DMXL2: variants seen among roughly 807,000 people sequenced by gnomAD.
The protein encoded by DMXL2 is Dmx like 2, also known as dmX-like protein 2.
Under a neutral mutation model 331.1 loss-of-function variants are expected in DMXL2, and 103 were observed. That is an observed-to-expected ratio of 0.31 (90% CI 0.27 to 0.37). The LOEUF is 0.37. DMXL2 is among the 10% of genes least tolerant of loss of function. The pLI, the probability that DMXL2 is intolerant of heterozygous loss-of-function variation, is 1.00. For synonymous variants in DMXL2, 1,281 were observed against 1,252.1 expected, an observed-to-expected ratio of 1.02 and a Z score of -0.49; for missense variants, 3,171 against 3,642.9, an observed-to-expected ratio of 0.87 and a Z score of 3.33.
chr15:51,622,634 GT>G lies in DMXL2; in HGVS notation c.-90del. 1 of 1,461,216 alleles carries G rather than the reference GT, an allele frequency of 6.8e-7. No homozygotes were observed. The highest frequency in any genetic ancestry group is 9.1e-7 in the Non-Finnish European group (1 of 1,101,630). 90.5% of individuals were successfully genotyped at this position (1,461,216 alleles called of 1,614,324 possible). A position where few individuals can be genotyped will look rare whatever the true frequency, so the allele number is the denominator to read the frequency against. On this transcript the variant is annotated 5_prime_UTR_variant, in exon 1 of 44. Coordinates refer to ENST00000560891, the MANE Select transcript of DMXL2 (RefSeq NM_001378457.1). ...CGGGCTGCGAGAGCCGTTTCCCTCT[GT>G]GCCTCCCTCGGAAACCCGCCCCGCG...
chr15:51,521,487 T>C (rs1472167988), intron 13 of DMXL2, among the ~76,000 whole-genome samples: 9 of 150,954 alleles, frequency 6.0e-5, no homozygotes, highest in South Asian at 2.1e-4. Context: ...GTAGTAGTAG[T>C]AGCAGCATTT....
chr15:51,622,520 C>G lies in DMXL2; in HGVS notation c.26G>C (p.Gly9Ala). The G allele has an allele frequency of 6.4e-7, 1 of 1,561,682 alleles. No individual in the cohort carries two copies. The highest frequency in any genetic ancestry group is 8.7e-7 in the Non-Finnish European group (1 of 1,152,378). Residue 9 changes from glycine to alanine, a missense_variant, in exon 1 of 44, where the codon GGA becomes GCA. Around this residue, in one of 7 missense-constraint regions of DMXL2, gnomAD observed 1,674 missense variants for 1,780.2 expected, o/e 0.94. Coordinates refer to ENST00000560891, the MANE Select transcript of DMXL2 (RefSeq NM_001378457.1). MHLHQVLT[G>A]AVNPGDNCYS... is the part of the protein sequence containing the mutation. Reference sequence around the variant, plus strand: ...GCAGTTGTCTCCAGGGTTGACAGCTCCGGTGAGGACCTGATGCAGATGCAT... The same window carrying G: ...GCAGTTGTCTCCAGGGTTGACAGCTGCGGTGAGGACCTGATGCAGATGCAT...
intron 2 of DMXL2, among the ~76,000 whole-genome samples, chr15:51,572,587 A>G (rs2050746064): frequency 6.6e-6 from 1 of 152,218 alleles, no homozygotes; most frequent in Non-Finnish European, 1.5e-5. Flanking sequence ...CTTGTCCATC[A>G]CCATCAAATC....
Position 51,500,018 on chromosome 15 carries a change from C to T in DMXL2, c.3206G>A (p.Gly1069Glu). 2 of 1,614,138 alleles carry T rather than the reference C, an allele frequency of 1.2e-6. No individual in the cohort carries two copies. Among genetic ancestry groups the T allele is most frequent in the Non-Finnish European group, 1.7e-6 (2 of 1,179,996 alleles). ...EDNSSTVSIV[G>E]RPVAVSCSYT... is the part of the protein sequence containing the mutation. ...TGAACAGCTAACAGCAACTGGTCTT[C>T]CCACAATGCTCACTGTACTGCTATT... Residue 1069 changes from glycine to glutamate, a missense_variant, in exon 18 of 44, where the codon GGA becomes GAA. Gly to Glu is a moderately conservative substitution (Grantham distance 98). Coordinates refer to ENST00000560891, the MANE Select transcript of DMXL2 (RefSeq NM_001378457.1).
intron 20 of DMXL2, among the ~76,000 whole-genome samples, chr15:51,491,087 T>C (rs141256063): frequency 1.3e-5 from 2 of 152,262 alleles, no homozygotes; most frequent in Admixed American, 1.3e-4. Context: ...AAAGACACAA[T>C]ATCATACTGC....
rs1456888576 is a variant in DMXL2, at chr15:51,585,689, TACTC to T, written c.88-9512_88-9509del. ...GTATAAAAGTACCTATTTCTCCACT[TACTC>T]ACTAACCCCAATCATTATCAAATGT... On this transcript the variant is annotated intron_variant, in intron 1 of 43. Coordinates refer to ENST00000560891, the MANE Select transcript of DMXL2 (RefSeq NM_001378457.1). Among the ~76,000 whole-genome samples, 6 of 152,216 alleles carry T rather than the reference TACTC, an allele frequency of 3.9e-5. No individual in the cohort carries two copies. In the East Asian group the frequency reaches 1.2e-3, roughly 29 times the overall value.
At chr15:51,575,861 T>C (rs1349162118) in intron 2 of DMXL2, among the ~76,000 whole-genome samples, 195 bp downstream of exon 2, 1 of 152,118 alleles carries the variant, frequency 6.6e-6, no homozygotes. Context: ...CATACAGCTG[T>C]AGAACAATTA....
chr15:51,510,271 C>T (rs898535772), intron 15 of DMXL2, among the ~76,000 whole-genome samples: 4 of 152,212 alleles, frequency 2.6e-5, no homozygotes, highest in Admixed American at 2.0e-4. Context: ...CAAATTGTCT[C>T]TCTTTGCAGA....
chr15:51,564,592 T>C (rs552694841), intron 4 of DMXL2, among the ~76,000 whole-genome samples: 119 of 152,138 alleles, frequency 7.8e-4, no homozygotes, highest in African/African-American at 2.7e-3. Context: ...ACATAAAATG[T>C]CCTCGAGATA....
chr15:51,526,991 G>A (rs2047711016), intron 13 of DMXL2, among the ~76,000 whole-genome samples: 4 of 152,146 alleles, frequency 2.6e-5, no homozygotes, highest in African/African-American at 9.7e-5. Context: ...GATAGTAACA[G>A]GGAAATTCCC....
intron 3 of DMXL2, chr15:51,567,554 T>A (rs2050374508): frequency 6.6e-6 from 1 of 152,086 alleles, no homozygotes; most frequent in African/African-American, 2.4e-5. Flanking sequence ...ACCTAAAGGA[T>A]CTATGGGAGC....
chr15:51,596,361 C>T lies in DMXL2; in HGVS notation c.88-20180G>A, dbSNP rs570881023. Among the ~76,000 whole-genome samples the T allele has an allele frequency of 3.5e-3, 528 of 152,258 alleles. 2 individuals are homozygous for T. Among genetic ancestry groups the T allele is most frequent in the Non-Finnish European group, 6.3e-3 (429 of 68,018 alleles). On this transcript the variant is annotated intron_variant, in intron 1 of 43. Transcript: ENST00000560891. ...GTCATCAGAGAAATGCAGATCAAAA[C>T]CACAATGAGATACCATCTCACACCA...
chr15:51,560,199 C>T (rs1354482775), intron 6 of DMXL2, among the ~76,000 whole-genome samples: 2 of 152,176 alleles, frequency 1.3e-5, no homozygotes, highest in South Asian at 2.1e-4. Flanking sequence ...AAACAAGATT[C>T]AAACTACAAT....
chr15:51,512,429 T>C (rs1322306728), intron 15 of DMXL2, among the ~76,000 whole-genome samples: 1 of 152,196 alleles, frequency 6.6e-6, no homozygotes, highest in Non-Finnish European at 1.5e-5. Context: ...AATTTTATTA[T>C]CAATTTGATA....
At chr15:51,597,812 G>C (rs1028008447) in intron 1 of DMXL2, among the ~76,000 whole-genome samples, 10 of 152,198 alleles carry the variant, frequency 6.6e-5, no homozygotes, top group African/African-American at 2.4e-4. Flanking sequence ...ATACATGTGA[G>C]AGTAAGTAAT....
At chr15:51,452,533 C>A (rs1157298152) in intron 41 of DMXL2, among the ~76,000 whole-genome samples, 1 of 152,106 alleles carries the variant, frequency 6.6e-6, no homozygotes, top group East Asian at 1.9e-4. Context: ...CAAATTAAAA[C>A]TCCAATACGA....
chr15:51,583,451 T>C (rs888279037), intron 1 of DMXL2, among the ~76,000 whole-genome samples: 1 of 49,708 alleles, frequency 2.0e-5, no homozygotes, highest in African/African-American at 7.4e-5. Context: ...ACAAAGGATA[T>C]GAACTCATCA....
rs150311927 is a variant in DMXL2 at position 51,536,379 on chromosome 15, C to T, written c.2101G>A (p.Gly701Ser). The T allele has an allele frequency of 1.4e-5, 22 of 1,613,432 alleles. No homozygotes were observed. The East Asian group carries it at 4.7e-4, about 34-fold the overall frequency. The part of the protein sequence containing the change: ...RLMDPVKHIK[G>S]SSKQPLRNAA... ...TTTCTAAGAGGTTGTTTCGAGGAAC[C>T]TTTTATATGTTTTACAGGGTCCATT... Residue 701 changes from glycine to serine, a missense_variant, in exon 12 of 44, where the codon GGT becomes AGT. By Grantham distance (56) the Gly-to-Ser change is moderately conservative (BLOSUM62 0). Coordinates refer to ENST00000560891, the MANE Select transcript of DMXL2 (RefSeq NM_001378457.1).
intron 9 of DMXL2, among the ~76,000 whole-genome samples, chr15:51,540,176 A>C (rs2048509405): frequency 6.6e-6 from 1 of 152,208 alleles, no homozygotes; most frequent in African/African-American, 2.4e-5. Context: ...AAACTGAGAG[A>C]CAACTTTTTG....
Sources: allele counts gnomAD v4.1 joint callset (sites outside exome capture counted in the v4.1 genomes callset), GRCh38; gene constraint gnomAD v4.1.1; regional missense constraint gnomAD v4.1.1; transcripts MANE v1.5; gene names NCBI Gene and HGNC (gene_info 2026-07-23, HGNC 2026-07-21).